NTNG2: variants seen among roughly 807,000 people sequenced by gnomAD.
NTNG2 encodes the protein netrin G2, also known as netrin-G2.
Under a neutral mutation model 47.6 loss-of-function variants are expected in NTNG2, and 15 were observed. The observed-to-expected ratio is 0.32, with a 90% CI of 0.21 to 0.49. The LOEUF (loss-of-function observed/expected upper bound fraction) is 0.49. Ranked by LOEUF, NTNG2 falls within the 20% of genes least tolerant of loss-of-function variation. The pLI, the probability that NTNG2 is intolerant of heterozygous loss-of-function variation, is 0.99. For synonymous variants in NTNG2, 307 were observed against 324.6 expected (o/e 0.95, Z 0.58); for missense variants, 578 against 764.6 (o/e 0.76, Z 2.88).
chr9:132,189,546 G>T (rs575172808), intron 2 of NTNG2, among the ~76,000 whole-genome samples: 1 of 152,152 alleles, frequency 6.6e-6, no homozygotes, highest in Admixed American at 6.5e-5. Flanking sequence ...GGCACCTCTC[G>T]AATGAGCCTC....
Position 132,236,259 on chromosome 9 carries a change from A to G in NTNG2, c.1055-2845A>G, listed in dbSNP as rs1488485558. On this transcript the variant is annotated intron_variant, in intron 5 of 7. Transcript: ENST00000393229. The surrounding 1 kb of genome is among the most constrained non-coding windows in gnomAD (Gnocchi z 4.3). ...AAGGCTTGGCAGTGGGATGGCAGGG[A>G]GCCTGACAAAGTGGAAAATGTGTGG... Among the ~76,000 whole-genome samples the G allele has an allele frequency of 6.6e-6, 1 of 152,172 alleles. No homozygotes were observed. The highest frequency in any genetic ancestry group is 2.4e-5 in the African/African-American group (1 of 41,442).
At chr9:132,229,112 C>A (rs1589535344) in intron 4 of NTNG2, among the ~76,000 whole-genome samples, 1 of 152,118 alleles carries the variant, frequency 6.6e-6, no homozygotes. Context: ...CGGGAATTGC[C>A]TTTGAGGCCC....
At chr9:132,169,706 GGT>G (rs1835752426) in intron 2 of NTNG2, among the ~76,000 whole-genome samples, 1 of 152,224 alleles carries the variant, frequency 6.6e-6, no homozygotes, top group Non-Finnish European at 1.5e-5. Context: ...GGAGTGTCAC[GGT>G]GCTGGCGGGA....
rs1176211629 is a variant in NTNG2 at position 132,221,917 on chromosome 9, A to G, written c.858-4932A>G. On this transcript the variant is annotated intron_variant, in intron 3 of 7. Coordinates refer to ENST00000393229, the MANE Select transcript of NTNG2 (RefSeq NM_032536.4). The surrounding 1 kb of genome is among the most constrained non-coding windows in gnomAD (Gnocchi z 4.2). ...ATGTTATCACCCAAAGTTGATGGCAATCTTTTCTTTCGGTAGCTGATATCT... is the reference window on the plus strand; with the variant it reads ...ATGTTATCACCCAAAGTTGATGGCAGTCTTTTCTTTCGGTAGCTGATATCT... Among the ~76,000 whole-genome samples, 6 of 152,224 alleles carry G rather than the reference A, an allele frequency of 3.9e-5. No individual in the cohort carries two copies. The highest frequency in any genetic ancestry group is 8.8e-5 in the Non-Finnish European group (6 of 68,044).
intron 5 of NTNG2, 92 bp from the exon 6 acceptor site, chr9:132,239,012 G>C (rs1029704031): frequency 9.0e-6 from 12 of 1,330,636 alleles, no homozygotes; most frequent in African/African-American, 2.9e-5. Context: ...CTCCGTCCCT[G>C]CATGACCTGG....
intron 2 of NTNG2, among the ~76,000 whole-genome samples, chr9:132,194,415 C>A (rs763600972): frequency 6.6e-6 from 1 of 152,236 alleles, no homozygotes; most frequent in African/African-American, 2.4e-5. Context: ...ATCCCCACAG[C>A]CTCTCAGTCC....
At chr9:132,214,174 G>A (rs888085011) in intron 3 of NTNG2, among the ~76,000 whole-genome samples, 4 of 152,204 alleles carry the variant, frequency 2.6e-5, no homozygotes, top group South Asian at 2.1e-4. Context: ...CACTCTTTCC[G>A]GCAGCCAGGA....
chr9:132,176,335 G>A (rs553112600), intron 2 of NTNG2, among the ~76,000 whole-genome samples: 4 of 152,206 alleles, frequency 2.6e-5, no homozygotes, highest in Non-Finnish European at 5.9e-5. Context: ...CCCTGCACCC[G>A]TTAGTTACTC....
In NTNG2 at chr9:132,186,684, C is replaced by T. The variant is rs571698525; in HGVS notation, c.214-11282C>T. On this transcript the variant is annotated intron_variant, in intron 2 of 7. Transcript: ENST00000393229. ...CTCAGGGTGTTCTGTGGGGGCAACC[C>T]GAATTGGTGTAAGAAGACTAAGCAG... 6.2e-4 allele frequency among the ~76,000 whole-genome samples: 94 copies of T among 152,344 alleles called. No individual in the cohort carries two copies. In the Middle Eastern group the frequency reaches 0.017, roughly 28 times the overall value.
Position 132,226,776 on chromosome 9 carries a change from C to T in NTNG2, c.858-73C>T. 7.2e-7 allele frequency: 1 copy of T among 1,379,892 alleles called. No homozygotes were observed. Among genetic ancestry groups the T allele is most frequent in the South Asian group, 1.4e-5 (1 of 69,082 alleles). 85.5% of individuals were successfully genotyped at this position (1,379,892 alleles called of 1,614,324 possible). A position where few individuals can be genotyped will look rare whatever the true frequency, so the allele number is the denominator to read the frequency against. The stretch of plus-strand genomic sequence containing the variant: ...CCTCCTGGGCCCCTCCTGGGAGGCG[C>T]TCCTTTCCCCAGAGGCCAGGCCAGG... On this transcript the variant is annotated intron_variant, in intron 3 of 7. Coordinates refer to ENST00000393229, the MANE Select transcript of NTNG2 (RefSeq NM_032536.4). The surrounding 1 kb of genome is among the most constrained non-coding windows in gnomAD (Gnocchi z 4.8).
rs1225570419 is a variant in NTNG2 at position 132,221,609 on chromosome 9, G to T, written c.858-5240G>T. Among the ~76,000 whole-genome samples the T allele has an allele frequency of 6.6e-6, 1 of 152,212 alleles. No homozygotes were observed. The highest frequency in any genetic ancestry group is 2.4e-5 in the African/African-American group (1 of 41,462). On this transcript the variant is annotated intron_variant, in intron 3 of 7. Transcript: ENST00000393229. The surrounding 1 kb of genome is among the most constrained non-coding windows in gnomAD (Gnocchi z 4.2). ...GAGGAGGCACTGTGCTTGTTCTGGGGCTCAGCCAGCGAGTTGAAGAGGCCG... is the reference window on the plus strand; with the variant it reads ...GAGGAGGCACTGTGCTTGTTCTGGGTCTCAGCCAGCGAGTTGAAGAGGCCG...
chr9:132,240,147 G>A (rs957033814), intron 6 of NTNG2, among the ~76,000 whole-genome samples: 1 of 152,262 alleles, frequency 6.6e-6, no homozygotes, highest in Non-Finnish European at 1.5e-5. Context: ...CCACCCAGCA[G>A]GAGGCTCTGG....
At chr9:132,235,479 G>A (rs557544666) in intron 5 of NTNG2, among the ~76,000 whole-genome samples, 3 of 152,038 alleles carry the variant, frequency 2.0e-5, no homozygotes, top group East Asian at 1.9e-4. Context: ...TGCTGCCTAT[G>A]TAGTAGATTT....
At chr9:132,171,730 T>C (rs1217107039) in intron 2 of NTNG2, among the ~76,000 whole-genome samples, 1 of 152,180 alleles carries the variant, frequency 6.6e-6, no homozygotes, top group Admixed American at 6.5e-5. Flanking sequence ...CACTGTGACA[T>C]TGAACACCAC....
chr9:132,162,441 G>C lies in NTNG2; in HGVS notation c.-484+202G>C, dbSNP rs933166149. ...AGCTGAGAACTGGAGTCGCCCCAGA[G>C]GGGTGTGTGAGGGTGCGTTCTTAGC... On this transcript the variant is annotated intron_variant, in intron 1 of 7. Coordinates refer to ENST00000393229, the MANE Select transcript of NTNG2 (RefSeq NM_032536.4). This position sits in a 1 kb window ranked among gnomAD's most constrained non-coding sequence, Gnocchi z 4.6. Among the ~76,000 whole-genome samples the C allele has an allele frequency of 2.6e-5, 4 of 152,146 alleles. No homozygotes were observed. The highest frequency in any genetic ancestry group is 9.7e-5 in the African/African-American group (4 of 41,448).
chr9:132,168,030 C>T (rs892973143), intron 2 of NTNG2, among the ~76,000 whole-genome samples: 2 of 152,172 alleles, frequency 1.3e-5, no homozygotes, highest in East Asian at 1.9e-4. Flanking sequence ...GTAAAGTGTT[C>T]GGAATAGGAC....
At chr9:132,234,999 C>T (rs887344385) in intron 5 of NTNG2, among the ~76,000 whole-genome samples, 5 of 152,234 alleles carry the variant, frequency 3.3e-5, no homozygotes, top group Non-Finnish European at 7.3e-5. Context: ...CAGGGCAGTT[C>T]TTTGCCAGCC....
intron 5 of NTNG2, among the ~76,000 whole-genome samples, chr9:132,238,273 C>G (rs1841764073): frequency 6.6e-6 from 1 of 152,320 alleles, no homozygotes; most frequent in East Asian, 1.9e-4. Context: ...CCCTGAGAGC[C>G]TTGCCCCAGG....
At chr9:132,199,373 G>C (rs1395569996) in intron 3 of NTNG2, among the ~76,000 whole-genome samples, 1 of 152,172 alleles carries the variant, frequency 6.6e-6, no homozygotes, top group Non-Finnish European at 1.5e-5. Flanking sequence ...TACAATGAAG[G>C]ATACAGATTA....
Sources: allele counts gnomAD v4.1 joint callset (sites outside exome capture counted in the v4.1 genomes callset), GRCh38; gene constraint gnomAD v4.1.1; non-coding constraint Gnocchi (gnomAD v3.1); transcripts MANE v1.5; gene names NCBI Gene and HGNC (gene_info 2026-07-23, HGNC 2026-07-21).